The following CA10 variants were observed in gnomAD, a reference collection of about 807,000 sequenced individuals.
CA10 encodes carbonic anhydrase 10 (inactive).
CA10 carries 14 observed loss-of-function variants against 44.2 expected under a neutral mutation model. The observed-to-expected ratio is 0.32, with a 90% confidence interval of 0.21 to 0.50. CA10 has a LOEUF of 0.50. Ranked by LOEUF, CA10 falls within the 20% of genes least tolerant of loss-of-function variation. The pLI is 0.99. For missense variants in CA10, 350 were observed against 409.7 expected (o/e 0.85, Z 1.26); for synonymous variants, 159 against 141.6 (o/e 1.12, Z -0.87).
chr17:51,772,987 T>C (rs1905667728), intron 3 of CA10, among the ~76,000 whole-genome samples: 1 of 152,150 alleles, frequency 6.6e-6, no homozygotes, highest in Non-Finnish European at 1.5e-5. Context: ...ACACACAGCA[T>C]GCATTGCTTT....
chr17:51,655,408 C>T (rs1457067338), intron 4 of CA10, among the ~76,000 whole-genome samples: 1 of 152,160 alleles, frequency 6.6e-6, no homozygotes, highest in Non-Finnish European at 1.5e-5. Flanking sequence ...AGAGAGTACT[C>T]ATTATTGCCA....
At chr17:51,997,710 G>A (rs1015221144) in intron 2 of CA10, among the ~76,000 whole-genome samples, 4 of 152,092 alleles carry the variant, frequency 2.6e-5, no homozygotes, top group Middle Eastern at 3.4e-3. Flanking sequence ...GTGTATGTGA[G>A]GTGAAAAGAA....
chr17:51,819,967 T>G (rs1907703783), intron 3 of CA10, among the ~76,000 whole-genome samples: 1 of 152,184 alleles, frequency 6.6e-6, no homozygotes, highest in Non-Finnish European at 1.5e-5. Context: ...TGTCTCTGTC[T>G]CTGTCTGTCC....
intron 2 of CA10, among the ~76,000 whole-genome samples, chr17:52,011,413 T>A (rs1223260454): frequency 3.3e-5 from 5 of 152,004 alleles, no homozygotes; most frequent in Non-Finnish European, 7.4e-5. Context: ...TTTAAAAAAT[T>A]ACATTCTCAA....
At chr17:52,007,530 A>G (rs1228415582) in intron 2 of CA10, among the ~76,000 whole-genome samples, 1 of 151,568 alleles carries the variant, frequency 6.6e-6, no homozygotes, top group Non-Finnish European at 1.5e-5. Context: ...AATTATACTG[A>G]GAGATTTTTA....
intron 4 of CA10, among the ~76,000 whole-genome samples, chr17:51,676,492 C>T (rs1232531471): frequency 1.3e-5 from 2 of 152,190 alleles, no homozygotes; most frequent in African/African-American, 4.8e-5. Flanking sequence ...CCTACTGCAC[C>T]AGCATTTCTG....
chr17:51,760,854 A>G (rs1404218421), intron 3 of CA10, among the ~76,000 whole-genome samples: 1 of 152,256 alleles, frequency 6.6e-6, no homozygotes, highest in Non-Finnish European at 1.5e-5. Flanking sequence ...TATTTCATGT[A>G]ACCCAATATA....
chr17:52,026,197 C>T (rs978201177), intron 2 of CA10, among the ~76,000 whole-genome samples: 3 of 152,122 alleles, frequency 2.0e-5, no homozygotes, highest in African/African-American at 7.2e-5. Flanking sequence ...TGAGGTGGAA[C>T]AGAGTGACAT....
At chr17:52,022,742 T>G (rs1372094789) in intron 2 of CA10, among the ~76,000 whole-genome samples, 1 of 152,046 alleles carries the variant, frequency 6.6e-6, no homozygotes, top group Non-Finnish European at 1.5e-5. Flanking sequence ...CTAAAACTGA[T>G]AAACAACTTC....
At chr17:52,091,001 A>G (rs1988244046) in intron 1 of CA10, among the ~76,000 whole-genome samples, 1 of 152,218 alleles carries the variant, frequency 6.6e-6, no homozygotes, top group Non-Finnish European at 1.5e-5. Flanking sequence ...ACAATACAGC[A>G]TTAGCTAAAT....
chr17:51,675,548 C>CAAAA (rs34639980), intron 4 of CA10, among the ~76,000 whole-genome samples: 1 of 117,948 alleles, frequency 8.5e-6, no homozygotes, highest in Non-Finnish European at 1.7e-5. Context: ...GACTCCATCT[C>CAAAA]AAAAAAAAAA....
chr17:52,020,563 A>T (rs1487891021), intron 2 of CA10, among the ~76,000 whole-genome samples: 1 of 152,018 alleles, frequency 6.6e-6, no homozygotes, highest in African/African-American at 2.4e-5. Context: ...CACTGAAAGG[A>T]TAATTTTACT....
chr17:51,845,483 T>C (rs955358970), intron 3 of CA10, among the ~76,000 whole-genome samples: 2 of 152,234 alleles, frequency 1.3e-5, no homozygotes, highest in Non-Finnish European at 2.9e-5. Context: ...CCAGTGAAGC[T>C]GCTTCCAAAT....
At chr17:51,895,436 C>T (rs1981027514) in intron 3 of CA10, among the ~76,000 whole-genome samples, 1 of 141,962 alleles carries the variant, frequency 7.0e-6, no homozygotes, top group Non-Finnish European at 1.5e-5. Flanking sequence ...TTACCACCCA[C>T]ATAACCTTTT....
intron 1 of CA10, among the ~76,000 whole-genome samples, chr17:52,124,654 C>T (rs1989081694): frequency 6.6e-6 from 1 of 152,220 alleles, no homozygotes; most frequent in South Asian, 2.1e-4. Context: ...CCACAGTACC[C>T]AAACCATGCT....
intron 3 of CA10, among the ~76,000 whole-genome samples, chr17:51,823,372 C>T (rs746513848): frequency 1.2e-4 from 19 of 152,206 alleles, no homozygotes; most frequent in Non-Finnish European, 2.2e-4. Context: ...CCAAGGGCGA[C>T]GGCTTTGCTG....
chr17:51,808,538 T>TG lies in CA10; in HGVS notation c.280-60721dup, dbSNP rs1907224809. 5.3e-5 allele frequency among the ~76,000 whole-genome samples: 8 copies of TG among 152,342 alleles called. No homozygotes were observed. In the South Asian group the frequency reaches 1.7e-3, roughly 32 times the overall value. ...TGTTTTGTTTTAGGGCAAGACTCCTTGTCCCTAGAAAAGCTTACTGCTATT... is the reference window on the plus strand; with the variant it reads ...TGTTTTGTTTTAGGGCAAGACTCCTTGGTCCCTAGAAAAGCTTACTGCTATT... On this transcript the variant is annotated intron_variant, in intron 3 of 8. Coordinates refer to ENST00000451037, the MANE Select transcript of CA10 (RefSeq NM_020178.5).
intron 2 of CA10, among the ~76,000 whole-genome samples, chr17:51,940,176 C>T (rs1270341512): frequency 6.6e-6 from 1 of 152,062 alleles, no homozygotes; most frequent in African/African-American, 2.4e-5. Flanking sequence ...AAACTGAACG[C>T]CCCTTTGATC....
At chr17:51,823,421 A>G (rs1785547163) in intron 3 of CA10, among the ~76,000 whole-genome samples, 1 of 152,158 alleles carries the variant, frequency 6.6e-6, no homozygotes, top group African/African-American at 2.4e-5. Flanking sequence ...TTTGGAAAGG[A>G]ATCATGTTCA....
Sources: gnomAD v4.1 joint callset for allele counts (sites outside exome capture counted in the v4.1 genomes callset) on GRCh38, gnomAD v4.1.1 for gene constraint, MANE v1.5 for transcripts, NCBI Gene and HGNC (gene_info 2026-07-23, HGNC 2026-07-21) for gene names.